Variants in DGKB observed in about 807,000 individuals in gnomAD.
DGKB encodes diacylglycerol kinase beta, also known as 90 kDa diacylglycerol kinase.
Under a neutral mutation model 114.3 loss-of-function variants are expected in DGKB, and 67 were observed. The observed-to-expected ratio is 0.59, with a 90% CI of 0.48 to 0.72. The LOEUF is 0.72. Among genes scored for constraint, DGKB ranks in the 30% least tolerant of loss-of-function variants. The probability of loss-of-function intolerance (pLI) is 0.00; values close to 1 mark genes in which losing one functional copy is unlikely to be tolerated. For missense variants in DGKB, 907 were observed against 975.2 expected (o/e 0.93, Z 0.93); for synonymous variants, 398 against 323.1 (o/e 1.23, Z -2.49).
intron 2 of DGKB, among the ~76,000 whole-genome samples, chr7:14,762,804 G>A (rs753382666): frequency 6.6e-6 from 1 of 151,922 alleles, no homozygotes; most frequent in Non-Finnish European, 1.5e-5. Context: ...AATGTCCCTG[G>A]GCATATTTTT....
chr7:14,661,165 C>T (rs1369983893), intron 13 of DGKB, among the ~76,000 whole-genome samples: 3 of 151,946 alleles, frequency 2.0e-5, no homozygotes, highest in Admixed American at 1.3e-4. Flanking sequence ...GTGTCTAAAA[C>T]ACCAAAAGCA....
intron 2 of DGKB, chr7:14,814,093 T>C (rs1013882899): frequency 1.3e-5 from 2 of 152,214 alleles, no homozygotes; most frequent in African/African-American, 4.8e-5. Flanking sequence ...TTCCTCAATA[T>C]TTATTCCACC....
chr7:14,302,765 C>T (rs1803780580), intron 23 of DGKB, among the ~76,000 whole-genome samples: 1 of 152,050 alleles, frequency 6.6e-6, no homozygotes, highest in African/African-American at 2.4e-5. Context: ...TCCATATCGC[C>T]TTGTTTATTT....
chr7:14,451,221 T>C (rs1434860665), intron 21 of DGKB, among the ~76,000 whole-genome samples: 3 of 152,062 alleles, frequency 2.0e-5, no homozygotes, highest in Admixed American at 6.6e-5. Flanking sequence ...ACCATTTGAA[T>C]TGGTAGACAG....
intron 2 of DGKB, among the ~76,000 whole-genome samples, chr7:14,795,950 C>G (rs145345873): frequency 6.6e-6 from 1 of 152,194 alleles, no homozygotes; most frequent in East Asian, 1.9e-4. Flanking sequence ...CATGTCTTAA[C>G]AGGATCTAAT....
At chr7:14,228,151 G>T (rs945872919) in intron 23 of DGKB, among the ~76,000 whole-genome samples, 1 of 151,960 alleles carries the variant, frequency 6.6e-6, no homozygotes, top group African/African-American at 2.4e-5. Flanking sequence ...TTCCAGTGAT[G>T]ACAAGATTTT....
At chr7:14,259,074 A>T (rs1237634108) in intron 23 of DGKB, among the ~76,000 whole-genome samples, 1 of 151,834 alleles carries the variant, frequency 6.6e-6, no homozygotes, top group Admixed American at 6.6e-5. Context: ...AACATGGTTT[A>T]AAAAAAAGCC....
chr7:14,627,322 G>T (rs577076902), intron 14 of DGKB, among the ~76,000 whole-genome samples: 14 of 152,174 alleles, frequency 9.2e-5, no homozygotes, highest in African/African-American at 3.4e-4. Flanking sequence ...GTACCTGGGG[G>T]TGTTAGTCAC....
At chr7:14,690,906 A>C (rs762040006) in intron 9 of DGKB, among the ~76,000 whole-genome samples, 28 of 152,242 alleles carry the variant, frequency 1.8e-4, no homozygotes, top group Admixed American at 8.5e-4. Flanking sequence ...TCACAAAGCC[A>C]TCCAAATTCT....
chr7:14,645,046 C>T (rs148844260), intron 13 of DGKB, among the ~76,000 whole-genome samples: 72 of 152,142 alleles, frequency 4.7e-4, no homozygotes, highest in African/African-American at 1.4e-3. Flanking sequence ...TCCATCTCAC[C>T]CACTCAGTCT....
At chr7:14,330,455 A>G (rs1809525914) in intron 23 of DGKB, among the ~76,000 whole-genome samples, 1 of 151,960 alleles carries the variant, frequency 6.6e-6, no homozygotes, top group South Asian at 2.1e-4. Context: ...GATTTCATTT[A>G]TATATTAGAA....
At chr7:14,802,767 C>T (rs577214154) in intron 2 of DGKB, among the ~76,000 whole-genome samples, 2 of 152,192 alleles carry the variant, frequency 1.3e-5, no homozygotes, top group African/African-American at 4.8e-5. Flanking sequence ...AAATCTGCAC[C>T]TACATTCCTC....
chr7:14,551,396 T>C (rs1334452555), intron 20 of DGKB, among the ~76,000 whole-genome samples: 2 of 152,194 alleles, frequency 1.3e-5, no homozygotes, highest in Admixed American at 1.3e-4. Context: ...TGTTTCTGGA[T>C]ATGTTCTACA....
At chr7:14,940,556 A>G (rs1785519603) in intron 1 of DGKB, among the ~76,000 whole-genome samples, 1 of 152,116 alleles carries the variant, frequency 6.6e-6, no homozygotes, top group African/African-American at 2.4e-5. Context: ...GCTTGAGGTC[A>G]CACAAAAACA....
rs368494532 is a variant in DGKB at position 14,364,724 on chromosome 7, C to T, written c.1836-19333G>A. Among the ~76,000 whole-genome samples the T allele has an allele frequency of 1.4e-4, 21 of 151,904 alleles. No homozygotes were observed. The South Asian group carries it at 3.3e-3, about 24-fold the overall frequency. On this transcript the variant is annotated intron_variant, in intron 21 of 25. Coordinates refer to ENST00000402815, the MANE Select transcript of DGKB (RefSeq NM_001350709.2). ...AAGGAAATAGCTAAGAGGGAGATGC[C>T]GCCCATGAGAGATTTAATCATAGGA...
intron 12 of DGKB, among the ~76,000 whole-genome samples, chr7:14,681,226 C>A (rs17668059): frequency 0.018 from 2,681 of 152,024 alleles, 37 homozygotes; most frequent in South Asian, 0.028. Context: ...AAATTTGAAT[C>A]ATCGTTAGAC....
intron 20 of DGKB, among the ~76,000 whole-genome samples, chr7:14,515,270 TAC>T (rs1192391378): frequency 6.6e-6 from 1 of 152,188 alleles, no homozygotes; most frequent in Non-Finnish European, 1.5e-5. Context: ...GTAGAAAAAT[TAC>T]ACAATATCTC....
intron 1 of DGKB, among the ~76,000 whole-genome samples, chr7:14,867,470 AT>A (rs1851855535): frequency 6.6e-6 from 1 of 151,760 alleles, no homozygotes; most frequent in African/African-American, 2.4e-5. Flanking sequence ...CTTGTTCCAC[AT>A]TTTTTTAATG....
chr7:14,233,775 TGG>T (rs1314992444), intron 23 of DGKB, among the ~76,000 whole-genome samples: 1 of 151,818 alleles, frequency 6.6e-6, no homozygotes. Context: ...AGGGAGTGTG[TGG>T]GGGGTGCAAC....
Sources: allele counts gnomAD v4.1 joint callset (sites outside exome capture counted in the v4.1 genomes callset), GRCh38; gene constraint gnomAD v4.1.1; transcripts MANE v1.5; gene names NCBI Gene and HGNC (gene_info 2026-07-23, HGNC 2026-07-21).